Variants in CSMD1 observed in about 807,000 individuals in gnomAD.
The protein encoded by CSMD1 is CUB and Sushi multiple domains 1.
CSMD1 carries 213 observed loss-of-function variants against 417.5 expected under a neutral mutation model. The ratio of observed to expected loss-of-function variants is 0.51; its 90% CI spans 0.46 to 0.57. CSMD1 has a LOEUF of 0.57. Ranked by LOEUF, CSMD1 falls within the 20% of genes least tolerant of loss-of-function variation. The pLI, the probability that CSMD1 is intolerant of heterozygous loss-of-function variation, is 0.00. For synonymous variants in CSMD1, 2,862 were observed against 1,736.8 expected, an observed-to-expected ratio of 1.65 and a Z score of -16.11; for missense variants, 6,923 against 4,529.7, an observed-to-expected ratio of 1.53 and a Z score of -15.17.
rs144550869 is a variant in CSMD1 at position 4,926,153 on chromosome 8, T to C, written c.85+68179A>G. Among the ~76,000 whole-genome samples the C allele has an allele frequency of 4.1e-3, 625 of 152,292 alleles. 7 individuals carry two copies. The highest frequency in any genetic ancestry group is 0.014 in the African/African-American group (591 of 41,560). ...ATTCATGAGGCTGCCATATCATAAA[T>C]TGAAAGGACAGCCAAGCCTATCAAG... is the stretch of plus-strand genomic sequence containing the variant. On this transcript the variant is annotated intron_variant, in intron 1 of 69. Coordinates refer to ENST00000635120, the MANE Select transcript of CSMD1 (RefSeq NM_033225.6).
At chr8:4,564,403 T>C (rs952967941) in intron 2 of CSMD1, among the ~76,000 whole-genome samples, 2 of 152,234 alleles carry the variant, frequency 1.3e-5, no homozygotes, top group Non-Finnish European at 2.9e-5. Context: ...TTGCTCACTG[T>C]TCTGGACAGT....
intron 3 of CSMD1, among the ~76,000 whole-genome samples, chr8:4,360,057 G>A (rs1039976037): frequency 5.3e-5 from 8 of 152,060 alleles, no homozygotes; most frequent in Non-Finnish European, 1.2e-4. Context: ...AGTTCCTCTC[G>A]TCTCTGACCG....
chr8:4,255,123 G>C (rs1036136146), intron 3 of CSMD1, among the ~76,000 whole-genome samples: 2 of 152,136 alleles, frequency 1.3e-5, no homozygotes, highest in Non-Finnish European at 1.5e-5. Context: ...TCCTTTGAGA[G>C]TATCAGTTTT....
intron 41 of CSMD1, among the ~76,000 whole-genome samples, chr8:3,139,016 G>A (rs1032308668): frequency 3.9e-5 from 6 of 152,228 alleles, no homozygotes; most frequent in African/African-American, 9.6e-5. Context: ...TGGTGACACA[G>A]GGAGGCAGCC....
At chr8:3,751,460 TAA>T (rs1797339690) in intron 6 of CSMD1, among the ~76,000 whole-genome samples, 2 of 148,354 alleles carry the variant, frequency 1.3e-5, no homozygotes, top group Admixed American at 6.8e-5. Context: ...TGTTTATACT[TAA>T]ATATATAATT....
At chr8:3,624,038 A>T (rs4601341) in intron 7 of CSMD1, among the ~76,000 whole-genome samples, 1 of 152,032 alleles carries the variant, frequency 6.6e-6, no homozygotes, top group Non-Finnish European at 1.5e-5. Flanking sequence ...CTTATGAGAC[A>T]TTATGCGTTG....
intron 1 of CSMD1, among the ~76,000 whole-genome samples, chr8:4,901,190 A>T (rs1804849270): frequency 1.3e-5 from 2 of 152,200 alleles, no homozygotes; most frequent in African/African-American, 4.8e-5. Context: ...GTTAGTATAG[A>T]TCAACCTCTT....
chr8:4,961,725 A>T (rs1809501796), intron 1 of CSMD1, among the ~76,000 whole-genome samples: 1 of 151,948 alleles, frequency 6.6e-6, no homozygotes, highest in South Asian at 2.1e-4. Flanking sequence ...TATTTGGCTG[A>T]TATTTTTCTG....
intron 5 of CSMD1, among the ~76,000 whole-genome samples, chr8:3,985,904 G>C (rs977720214): frequency 1.3e-5 from 2 of 150,194 alleles, no homozygotes; most frequent in Admixed American, 1.3e-4. Context: ...CTCTTACTTT[G>C]AACATTTCAA....
intron 1 of CSMD1, among the ~76,000 whole-genome samples, chr8:4,650,347 G>GAAAAAAAAAAAAA (rs61642390): frequency 1.3e-5 from 1 of 78,254 alleles, no homozygotes; most frequent in Non-Finnish European, 2.6e-5. Flanking sequence ...TCCGTCTCAA[G>GAAAAAAAAAAAAA]AAAAAAAAAA....
rs562820618 is a variant in CSMD1 at position 3,295,050 on chromosome 8, TAA to T, written c.3951-10706_3951-10705del. ...AATATATTGTACTACTCTGTGTGTT[TAA>T]GAGTAGTTACATATTAAATATTACT... On this transcript the variant is annotated intron_variant, in intron 25 of 69. Transcript: ENST00000635120. 1.3e-3 allele frequency among the ~76,000 whole-genome samples: 197 copies of T among 152,360 alleles called. 1 individual carries two copies. The highest frequency in any genetic ancestry group is 4.5e-3 in the African/African-American group (187 of 41,586).
chr8:4,650,370 A>T (rs892296396), intron 1 of CSMD1, among the ~76,000 whole-genome samples: 1 of 151,684 alleles, frequency 6.6e-6, no homozygotes, highest in Admixed American at 6.6e-5. Context: ...AAAAAAAAAA[A>T]AAATCAATGA....
intron 26 of CSMD1, among the ~76,000 whole-genome samples, chr8:3,250,562 G>C (rs1476962377): frequency 6.6e-6 from 1 of 152,120 alleles, no homozygotes; most frequent in East Asian, 1.9e-4. Flanking sequence ...ATAGTCCTTT[G>C]TGTATATACC....
intron 2 of CSMD1, among the ~76,000 whole-genome samples, chr8:4,530,424 C>G (rs1466813615): frequency 7.1e-6 from 1 of 139,906 alleles, no homozygotes; most frequent in Non-Finnish European, 1.5e-5. Flanking sequence ...TTTGCTGCAT[C>G]TACCAACCCA....
chr8:3,702,260 C>T (rs924744829), intron 7 of CSMD1: 6 of 152,260 alleles, frequency 3.9e-5, no homozygotes, highest in African/African-American at 1.4e-4. Context: ...ACAGCATGTC[C>T]CATCAGCTCA....
At chr8:2,992,559 G>A (rs1254858688) in intron 54 of CSMD1, among the ~76,000 whole-genome samples, 3 of 151,874 alleles carry the variant, frequency 2.0e-5, no homozygotes, top group Non-Finnish European at 4.4e-5. Flanking sequence ...GAGTAGCTGG[G>A]ATTACAGGTG....
chr8:4,739,600 C>G (rs553361597), intron 1 of CSMD1, among the ~76,000 whole-genome samples: 1 of 152,102 alleles, frequency 6.6e-6, no homozygotes, highest in African/African-American at 2.4e-5. Flanking sequence ...CCTTTGGGTC[C>G]GAGAAACCCA....
chr8:4,002,249 GTGTA>G (rs1044379349), intron 4 of CSMD1, among the ~76,000 whole-genome samples: 17 of 152,028 alleles, frequency 1.1e-4, no homozygotes, highest in Admixed American at 4.6e-4. Context: ...GTGTGTTTGT[GTGTA>G]TGTGTGTGTT....
At position 4,171,706 on chromosome 8, in the gene CSMD1, T is replaced by C. The variant is rs1797773615; in HGVS notation, c.416-139607A>G. On this transcript the variant is annotated intron_variant, in intron 3 of 69. Coordinates refer to ENST00000635120, the MANE Select transcript of CSMD1 (RefSeq NM_033225.6). ...TAGAACAAAGTTAATTTGCTTATTC[T>C]GATATTTATGTGCCAAGCTTCTGAA... is the stretch of plus-strand genomic sequence containing the variant. Among the ~76,000 whole-genome samples the C allele has an allele frequency of 3.3e-5, 5 of 152,198 alleles. 1 individual carries two copies. Among genetic ancestry groups the C allele is most frequent in the Admixed American group, 3.3e-4 (5 of 15,288 alleles).
Sources: allele counts gnomAD v4.1 joint callset (sites outside exome capture counted in the v4.1 genomes callset), GRCh38; gene constraint gnomAD v4.1.1; transcripts MANE v1.5; gene names NCBI Gene and HGNC (gene_info 2026-07-23, HGNC 2026-07-21).